Variants in TMTC4 observed in about 807,000 individuals in gnomAD.
TMTC4 encodes the protein protein O-mannosyl-transferase TMTC4.
Under a neutral mutation model 86.0 loss-of-function variants are expected in TMTC4, and 65 were observed. The ratio of observed to expected loss-of-function variants is 0.76; its 90% CI spans 0.62 to 0.93. TMTC4 has a LOEUF of 0.93. TMTC4 is among the 40% of genes least tolerant of loss of function. The pLI, the probability that TMTC4 is intolerant of heterozygous loss-of-function variation, is 0.00. For missense variants in TMTC4, 866 were observed against 948.1 expected (o/e 0.91, Z 1.14); for synonymous variants, 379 against 382.5 (o/e 0.99, Z 0.11).
chr13:100,641,054 C>T (rs1048172232), intron 7 of TMTC4, among the ~76,000 whole-genome samples: 1 of 152,048 alleles, frequency 6.6e-6, no homozygotes, highest in Admixed American at 6.5e-5. Context: ...TCCCCCACCC[C>T]CCTGACACTG....
intron 5 of TMTC4, 123 bp downstream of exon 5, chr13:100,662,841 C>G (rs1885940578): frequency 5.1e-6 from 5 of 979,460 alleles, no homozygotes; most frequent in Admixed American, 2.3e-5. Context: ...GTGGAGTAGA[C>G]TTTCTCCAGC....
At chr13:100,619,133 C>A (rs1292312314) in intron 15 of TMTC4, among the ~76,000 whole-genome samples, 2 of 150,556 alleles carry the variant, frequency 1.3e-5, no homozygotes, top group Non-Finnish European at 3.0e-5. Context: ...ACCCACCCAC[C>A]TCCCTCCCGG....
intron 12 of TMTC4, among the ~76,000 whole-genome samples, chr13:100,632,053 A>ACACACACACACTCTCT (rs1296569630): frequency 4.1e-3 from 178 of 43,070 alleles, no homozygotes; most frequent in Middle Eastern, 0.016. Context: ...ACACACACAC[A>ACACACACACACTCTCT]CTCTCTCTCT....
Position 100,625,523 on chromosome 13 carries a change from C to A in TMTC4, c.1836+12G>T. 1 of 1,613,090 alleles carries A rather than the reference C, an allele frequency of 6.2e-7. No homozygotes were observed. The highest frequency in any genetic ancestry group is 8.5e-7 in the Non-Finnish European group (1 of 1,180,038). On this transcript the variant is annotated intron_variant, in intron 15 of 18. Transcript: ENST00000342624. Reference sequence around the variant, plus strand: ...TCTTTCCTTCCACAGGCACAGGGCACCCCGCGCTTACCAGACGCCCGAGGT... The same window carrying A: ...TCTTTCCTTCCACAGGCACAGGGCAACCCGCGCTTACCAGACGCCCGAGGT...
intron 12 of TMTC4, among the ~76,000 whole-genome samples, chr13:100,627,577 C>A (rs1177210873): frequency 1.3e-5 from 2 of 152,186 alleles, no homozygotes; most frequent in Non-Finnish European, 2.9e-5. Context: ...CCTGTCTCTT[C>A]TCCTGTCTTA....
At chr13:100,612,817 T>C (rs928704821) in intron 16 of TMTC4, among the ~76,000 whole-genome samples, 45 of 152,202 alleles carry the variant, frequency 3.0e-4, no homozygotes, top group African/African-American at 1.1e-3. Flanking sequence ...AGATACCAGT[T>C]ATACCCAAAC....
At chr13:100,607,416 C>G (rs887457512) in intron 17 of TMTC4, among the ~76,000 whole-genome samples, 3 of 151,828 alleles carry the variant, frequency 2.0e-5, no homozygotes, top group African/African-American at 7.3e-5. Context: ...ACTTGGGAGG[C>G]TGAGGCAGGA....
At chr13:100,611,480 G>C (rs1365790716) in intron 17 of TMTC4, among the ~76,000 whole-genome samples, 1 of 152,198 alleles carries the variant, frequency 6.6e-6, no homozygotes, top group East Asian at 1.9e-4. Flanking sequence ...AGCCACTCGG[G>C]AGGCTGAGGC....
intron 3 of TMTC4, among the ~76,000 whole-genome samples, chr13:100,665,752 G>A (rs1257421575): frequency 6.6e-6 from 1 of 152,260 alleles, no homozygotes; most frequent in Non-Finnish European, 1.5e-5. Context: ...TGCGACTTAA[G>A]TGCTTGCTGA....
At chr13:100,648,270 G>C (rs867396533) in intron 6 of TMTC4, among the ~76,000 whole-genome samples, 95 of 152,062 alleles carry the variant, frequency 6.2e-4, no homozygotes, top group African/African-American at 2.1e-3. Context: ...AATGTATCTA[G>C]TCCCAGGTGG....
chr13:100,668,360 G>A (rs1463667797), intron 3 of TMTC4: 2 of 559,264 alleles, frequency 3.6e-6, no homozygotes, highest in Non-Finnish European at 6.4e-6. Flanking sequence ...TGAGGGGAGT[G>A]CCTGAGCTGA....
intron 17 of TMTC4, among the ~76,000 whole-genome samples, chr13:100,610,827 G>A (rs1877446610): frequency 6.6e-6 from 1 of 152,198 alleles, no homozygotes; most frequent in Non-Finnish European, 1.5e-5. Flanking sequence ...GGTCACTGGA[G>A]GAGAACTGAG....
chr13:100,631,767 A>G (rs933031205), intron 12 of TMTC4, among the ~76,000 whole-genome samples: 2 of 152,192 alleles, frequency 1.3e-5, no homozygotes, highest in African/African-American at 4.8e-5. Context: ...GTCCCCTGAA[A>G]TAATGGGACT....
At chr13:100,674,580 G>A (rs1397100636) in intron 1 of TMTC4, 164 bp downstream of exon 1, 9 of 982,228 alleles carry the variant, frequency 9.2e-6, no homozygotes, top group African/African-American at 7.0e-5. Context: ...GGCCCGGGCC[G>A]CAGCTCAGGT....
At chr13:100,627,811 T>G (rs1363820825) in intron 12 of TMTC4, among the ~76,000 whole-genome samples, 1 of 152,106 alleles carries the variant, frequency 6.6e-6, no homozygotes, top group Non-Finnish European at 1.5e-5. Flanking sequence ...ACCACCATGT[T>G]TATGTTCATA....
At chr13:100,606,684 T>C (rs375638019) in intron 17 of TMTC4, among the ~76,000 whole-genome samples, 6 of 152,292 alleles carry the variant, frequency 3.9e-5, no homozygotes, top group African/African-American at 9.6e-5. Context: ...CCTGCAGTGG[T>C]TGGACTTCTG....
At chr13:100,653,659 C>A (rs552473780) in intron 6 of TMTC4, among the ~76,000 whole-genome samples, 18 of 152,298 alleles carry the variant, frequency 1.2e-4, no homozygotes, top group African/African-American at 4.3e-4. Flanking sequence ...TTCAATCATT[C>A]TGTCGGAAAT....
At chr13:100,675,049 G>GGC (rs1411071815), upstream of TMTC4, 2 of 985,630 alleles carry the variant, frequency 2.0e-6, no homozygotes, top group East Asian at 2.3e-4. Flanking sequence ...CGGCGAAGGA[G>GGC]GCGCAGGGAC....
chr13:100,654,684 T>C (rs1190118634), intron 6 of TMTC4, among the ~76,000 whole-genome samples: 1 of 152,176 alleles, frequency 6.6e-6, no homozygotes, highest in African/African-American at 2.4e-5. Flanking sequence ...CCTTTTCACT[T>C]TTCTGTGAGA....
Sources: allele counts gnomAD v4.1 joint callset (sites outside exome capture counted in the v4.1 genomes callset), GRCh38; gene constraint gnomAD v4.1.1; transcripts MANE v1.5; gene names NCBI Gene and HGNC (gene_info 2026-07-23, HGNC 2026-07-21).